Variants in HAPLN3 observed in about 807,000 individuals in gnomAD.
HAPLN3 encodes extracellular link domain containing, 1.
In HAPLN3, 28 loss-of-function variants were observed where a neutral mutation model predicts 28.1. The ratio of observed to expected loss-of-function variants is 1.00; its 90% CI spans 0.74 to 1.37. HAPLN3 has a LOEUF of 1.37. HAPLN3 is among the 40% of genes most tolerant of loss of function. HAPLN3 has a pLI of 0.00. For missense variants in HAPLN3, 513 were observed against 504.6 expected (o/e 1.02, Z -0.16); for synonymous variants, 211 against 213.1 (o/e 0.99, Z 0.09).
chr15:88,878,879 AG>A, intron 4 of HAPLN3, 87 bp downstream of exon 4: 1 of 1,352,732 alleles, frequency 7.4e-7, no homozygotes, highest in Non-Finnish European at 9.9e-7. Context: ...GAGCCAGCAG[AG>A]GGGGCCAGAG....
At chr15:88,891,811 G>A (rs1353174422) in intron 1 of HAPLN3, among the ~76,000 whole-genome samples, 2 of 152,158 alleles carry the variant, frequency 1.3e-5, no homozygotes, top group Non-Finnish European at 2.9e-5. Context: ...ACAGCCCAGT[G>A]GCCCAGAGCA....
intron 2 of HAPLN3, among the ~76,000 whole-genome samples, chr15:88,884,988 G>C (rs1897808699): frequency 1.3e-5 from 2 of 152,216 alleles, no homozygotes; most frequent in Admixed American, 1.3e-4. Flanking sequence ...AACTAATTTT[G>C]GATTTCTGGT....
intron 1 of HAPLN3, 124 bp from the exon 2 acceptor site, chr15:88,887,469 G>T: frequency 1.2e-6 from 1 of 816,392 alleles, no homozygotes; most frequent in Non-Finnish European, 1.9e-6. Context: ...CCGCCTACGT[G>T]CCAGACGCTG....
At chr15:88,886,291 C>A (rs1335833281) in intron 2 of HAPLN3, among the ~76,000 whole-genome samples, 1 of 146,588 alleles carries the variant, frequency 6.8e-6, no homozygotes, top group Non-Finnish European at 1.5e-5. Context: ...GCAGAGGCTG[C>A]AGTGAGCCAA....
rs910437497 is a variant in HAPLN3 at position 88,880,497 on chromosome 15, A to G, written c.493+860T>C. 18 of 1,266,632 alleles carry G rather than the reference A, an allele frequency of 1.4e-5. No homozygotes were observed. In the African/African-American group the frequency reaches 2.8e-4, roughly 19 times the overall value. The allele number at this position is 1,266,632 out of a possible 1,614,324, so 78.5% of individuals were successfully genotyped here. A position where few individuals can be genotyped will look rare whatever the true frequency, so the allele number is the denominator to read the frequency against. On this transcript the variant is annotated intron_variant, in intron 3 of 4. Transcript: ENST00000359595. This position sits in a 1 kb window ranked among gnomAD's most constrained non-coding sequence, Gnocchi z 6.0. ...CCCAGGGCTCTAAGGGGGATGAGGC[A>G]TTTACCCACATGTCATAGCTGGGAC... is the stretch of plus-strand genomic sequence containing the variant.
chr15:88,887,413 C>T (rs1325405714), intron 1 of HAPLN3, 68 bp from the exon 2 acceptor site: 4 of 1,371,488 alleles, frequency 2.9e-6, no homozygotes, highest in South Asian at 1.3e-5. Context: ...CCCTCTGCTC[C>T]AACACCACTC....
At chr15:88,884,105 T>A (rs1246251136) in intron 2 of HAPLN3, among the ~76,000 whole-genome samples, 2 of 150,752 alleles carry the variant, frequency 1.3e-5, no homozygotes. Context: ...TAGAAAGAGA[T>A]ACCTAAAAAG....
rs1422973940 is a variant in HAPLN3 at position 88,881,454 on chromosome 15, CT to C, written c.395del (p.Glu132GlyfsTer146). 6.2e-6 allele frequency: 10 copies of C among 1,613,962 alleles called. No individual in the cohort carries two copies. Among genetic ancestry groups the C allele is most frequent in the Admixed American group, 5.0e-5 (3 of 60,002 alleles). On this transcript the variant is annotated frameshift_variant, in exon 3 of 5. Transcript: ENST00000359595. LOFTEE classifies it high-confidence loss of function. This position sits in a 1 kb window ranked among gnomAD's most constrained non-coding sequence, Gnocchi z 6.0. ...AGTCCTCCAGCCGCAGATCCTGGAT[CT>C]CCAGCGAGACGTCATGCTCTTTGTC... ...RQDKEHDVSL[E>X]IQDLRLEDYG... is the part of the protein sequence containing the mutation.
In HAPLN3 at chr15:88,879,661, G is replaced by C; in HGVS notation, c.494-392C>G. On this transcript the variant is annotated intron_variant, in intron 3 of 4. Coordinates refer to ENST00000359595, the MANE Select transcript of HAPLN3 (RefSeq NM_178232.4). The surrounding 1 kb of genome is among the most constrained non-coding windows in gnomAD (Gnocchi z 5.0). ...CCCACTCGTTAGCTGGGACCCGATC[G>C]TCTACGTTATTATGAATGTGGAAAT... 1 of 1,206,786 alleles carries C rather than the reference G, an allele frequency of 8.3e-7. No individual in the cohort carries two copies. Among genetic ancestry groups the C allele is most frequent in the Non-Finnish European group, 1.0e-6 (1 of 953,444 alleles). 74.8% of individuals were successfully genotyped at this position (1,206,786 alleles called of 1,614,324 possible). A position where few individuals can be genotyped will look rare whatever the true frequency, so the allele number is the denominator to read the frequency against.
intron 1 of HAPLN3, among the ~76,000 whole-genome samples, chr15:88,893,946 TG>T (rs1387711499): frequency 0.033 from 2,566 of 77,034 alleles, 111 homozygotes; most frequent in African/African-American, 0.14. Context: ...AAAAAAAAGT[TG>T]GGGTGGGGGG....
chr15:88,878,870 A>G, intron 4 of HAPLN3, 97 bp downstream of exon 4: 1 of 1,314,228 alleles, frequency 7.6e-7, no homozygotes, highest in Non-Finnish European at 1.0e-6. Flanking sequence ...GTACCAGCAG[A>G]GCCAGCAGAG....
In HAPLN3 at chr15:88,881,221, C is replaced by T. The variant is rs1178451856; in HGVS notation, c.493+136G>A. 2.5e-6 allele frequency: 3 copies of T among 1,179,302 alleles called. No individual in the cohort carries two copies. The highest frequency in any genetic ancestry group is 3.5e-6 in the Non-Finnish European group (3 of 849,926). The allele number at this position is 1,179,302 out of a possible 1,614,324, so 73.1% of individuals were successfully genotyped here. A position where few individuals can be genotyped will look rare whatever the true frequency, so the allele number is the denominator to read the frequency against. ...CTCACCTGTAAAATGGGGGTCACAA[C>T]AGTAGCTTCCATGTGGGTTGTTTTG... On this transcript the variant is annotated intron_variant, in intron 3 of 4. Coordinates refer to ENST00000359595, the MANE Select transcript of HAPLN3 (RefSeq NM_178232.4). This position sits in a 1 kb window ranked among gnomAD's most constrained non-coding sequence, Gnocchi z 6.0.
At chr15:88,885,898 C>G (rs1044298005) in intron 2 of HAPLN3, among the ~76,000 whole-genome samples, 11 of 152,134 alleles carry the variant, frequency 7.2e-5, no homozygotes, top group South Asian at 2.1e-4. Context: ...TCAGCTTTGT[C>G]TTTTTAATAG....
rs951114605 is a variant in HAPLN3, at chr15:88,880,991, C to A, written c.493+366G>T. 6.6e-6 allele frequency among the ~76,000 whole-genome samples: 1 copy of A among 152,132 alleles called. No homozygotes were observed. The highest frequency in any genetic ancestry group is 1.5e-5 in the Non-Finnish European group (1 of 68,026). ...GGCTGCCTCATTCGCTTGTGTTACC[C>A]GCTAACCTTGCTTAAATCTCAGCTC... On this transcript the variant is annotated intron_variant, in intron 3 of 4. Transcript: ENST00000359595. This position sits in a 1 kb window ranked among gnomAD's most constrained non-coding sequence, Gnocchi z 6.0.
rs1897659740 is a variant in HAPLN3 at position 88,880,178 on chromosome 15, GGTTCC to G, written c.494-914_494-910del. ...TTTGCAGGGGGACTATTTCATGCCT[GGTTCC>G]ACCCCAAATTCCTAGCCCTTGAAGC... On this transcript the variant is annotated intron_variant, in intron 3 of 4. Transcript: ENST00000359595. The surrounding 1 kb of genome is among the most constrained non-coding windows in gnomAD (Gnocchi z 6.0). 4.0e-6 allele frequency: 4 copies of G among 994,800 alleles called. No homozygotes were observed. The African/African-American group carries it at 7.0e-5, about 17-fold the overall frequency. The allele number at this position is 994,800 out of a possible 1,614,324, so 61.6% of individuals were successfully genotyped here. A position where few individuals can be genotyped will look rare whatever the true frequency, so the allele number is the denominator to read the frequency against.
chr15:88,893,137 C>T (rs148371993), intron 1 of HAPLN3: 17 of 724,682 alleles, frequency 2.3e-5, no homozygotes, highest in East Asian at 1.3e-4. Flanking sequence ...AACTTAAGGC[C>T]GGGTGCAGTG....
chr15:88,893,403 G>C (rs1898066319), intron 1 of HAPLN3, among the ~76,000 whole-genome samples: 1 of 151,288 alleles, frequency 6.6e-6, no homozygotes, highest in African/African-American at 2.4e-5. Flanking sequence ...GGCCGACAGA[G>C]CAAGACTCCA....
rs1412505604 is a variant in HAPLN3 at position 88,895,527 on chromosome 15, G to A, written c.-116C>T. ...CGAGCTGTCCCGGTCCAAGGCAGCA[G>A]TCTGATTTCGGGGAAATTAAAAGGG... On this transcript the variant is annotated 5_prime_UTR_variant, in exon 1 of 5. Transcript: ENST00000359595. The surrounding 1 kb of genome is among the most constrained non-coding windows in gnomAD (Gnocchi z 5.5). 1 of 152,604 alleles carries A rather than the reference G, an allele frequency of 6.6e-6. No homozygotes were observed. Among genetic ancestry groups the A allele is most frequent in the African/African-American group, 2.4e-5 (1 of 41,588 alleles). The allele number at this position is 152,604 out of a possible 1,614,324, so 9.5% of individuals were successfully genotyped here.
rs73458274 is a variant in HAPLN3 at position 88,879,999 on chromosome 15, T to C, written c.494-730A>G. The stretch of plus-strand genomic sequence containing the variant: ...CCCTAGGGGTCTGGGAAGGACACTT[T>C]GGAATCTCCTCCGTGTGGCCAAGGA... On this transcript the variant is annotated intron_variant, in intron 3 of 4. Coordinates refer to ENST00000359595, the MANE Select transcript of HAPLN3 (RefSeq NM_178232.4). The surrounding 1 kb of genome is among the most constrained non-coding windows in gnomAD (Gnocchi z 5.0). The C allele has an allele frequency of 7.0e-3, 6,942 of 993,872 alleles. 366 individuals carry two copies. The African/African-American group carries it at 0.11, about 16-fold the overall frequency. 61.6% of individuals were successfully genotyped at this position (993,872 alleles called of 1,614,324 possible).
Sources: allele counts gnomAD v4.1 joint callset (sites outside exome capture counted in the v4.1 genomes callset), GRCh38; gene constraint gnomAD v4.1.1; non-coding constraint Gnocchi (gnomAD v3.1); transcripts MANE v1.5; gene names NCBI Gene and HGNC (gene_info 2026-07-23, HGNC 2026-07-21).